Variants in RALYL observed in about 807,000 individuals in gnomAD.
RALYL encodes the protein RALY RNA binding protein like.
In RALYL, 29 loss-of-function variants were observed where a neutral mutation model predicts 35.1. The ratio of observed to expected loss-of-function variants is 0.83; its 90% CI spans 0.61 to 1.13. The LOEUF (loss-of-function observed/expected upper bound fraction) is 1.13. Ranked by LOEUF, RALYL falls within the 50% of genes most tolerant of loss-of-function variation. The probability of loss-of-function intolerance (pLI) is 0.00; values close to 1 mark genes in which losing one functional copy is unlikely to be tolerated. For missense variants in RALYL, 359 were observed against 360.4 expected, an observed-to-expected ratio of 1.00 and a Z score of 0.03; for synonymous variants, 120 against 127.6, an observed-to-expected ratio of 0.94 and a Z score of 0.40.
At chr8:84,686,807 C>T (rs192160253) in intron 2 of RALYL, among the ~76,000 whole-genome samples, 1 of 152,134 alleles carries the variant, frequency 6.6e-6, no homozygotes, top group Non-Finnish European at 1.5e-5. Context: ...ATTTCTTATT[C>T]CCCCCAATGA....
chr8:84,850,270 AT>A lies in RALYL; in HGVS notation c.413+246del, dbSNP rs543132400. Among the ~76,000 whole-genome samples the A allele has an allele frequency of 2.0e-4, 31 of 152,328 alleles. 2 individuals are homozygous for A. The South Asian group carries it at 6.4e-3, about 32-fold the overall frequency. On this transcript the variant is annotated intron_variant, in intron 5 of 8. Coordinates refer to ENST00000521268, the MANE Select transcript of RALYL (RefSeq NM_173848.7). ...TCAAACCTAAGATTTGGTGTCTAATATTTAGATAAAATCCTAAAGATTTAAT... is the reference window on the plus strand; with the variant it reads ...TCAAACCTAAGATTTGGTGTCTAATATTAGATAAAATCCTAAAGATTTAAT...
At chr8:84,679,393 A>G (rs1259142791) in intron 2 of RALYL, 1 of 265,784 alleles carries the variant, frequency 3.8e-6, no homozygotes, top group Non-Finnish European at 7.5e-6. Flanking sequence ...AGATTTGTTA[A>G]CCTTGGCATG....
intron 2 of RALYL, among the ~76,000 whole-genome samples, chr8:84,757,795 A>G (rs1044834818): frequency 2.0e-5 from 3 of 152,074 alleles, no homozygotes; most frequent in African/African-American, 7.2e-5. Flanking sequence ...GTGAATGGTT[A>G]TTTTCTTTCT....
chr8:84,879,687 C>A (rs918117040), intron 7 of RALYL, among the ~76,000 whole-genome samples: 4 of 152,024 alleles, frequency 2.6e-5, no homozygotes, highest in African/African-American at 7.2e-5. Context: ...AGGAACAAAA[C>A]GCTGCTGTTT....
chr8:84,442,373 A>G (rs2048419801), intron 1 of RALYL, among the ~76,000 whole-genome samples: 2 of 152,158 alleles, frequency 1.3e-5, no homozygotes, highest in Non-Finnish European at 2.9e-5. Context: ...TAAATGCCGT[A>G]CATAGAGTCT....
chr8:84,713,923 TATATC>T (rs1416109561), intron 2 of RALYL, among the ~76,000 whole-genome samples: 3 of 151,372 alleles, frequency 2.0e-5, no homozygotes, highest in South Asian at 2.1e-4. Context: ...ACATGTTTCA[TATATC>T]ATATATATCA....
chr8:84,627,190 C>G (rs1822916814), intron 2 of RALYL, among the ~76,000 whole-genome samples: 1 of 151,896 alleles, frequency 6.6e-6, no homozygotes, highest in African/African-American at 2.4e-5. Context: ...CTTCTGAAGT[C>G]TTCAACTTAG....
intron 2 of RALYL, among the ~76,000 whole-genome samples, chr8:84,593,036 A>G (rs190823892): frequency 2.0e-5 from 3 of 152,262 alleles, no homozygotes; most frequent in African/African-American, 7.2e-5. Flanking sequence ...TCTGTATTAC[A>G]TTACAACATA....
intron 2 of RALYL, among the ~76,000 whole-genome samples, chr8:84,760,269 G>T (rs1812378594): frequency 1.3e-5 from 2 of 151,978 alleles, no homozygotes; most frequent in Non-Finnish European, 2.9e-5. Context: ...AAATTTGGGT[G>T]GAACAGAGCA....
chr8:84,334,362 ATAAT>A (rs1275849875), intron 1 of RALYL, among the ~76,000 whole-genome samples: 1 of 152,022 alleles, frequency 6.6e-6, no homozygotes, highest in Non-Finnish European at 1.5e-5. Context: ...ATTATGTATA[ATAAT>A]TTTATGTAAG....
At chr8:84,677,298 T>C (rs1238699575) in intron 2 of RALYL, among the ~76,000 whole-genome samples, 1 of 152,224 alleles carries the variant, frequency 6.6e-6, no homozygotes, top group African/African-American at 2.4e-5. Context: ...AAAATTATTA[T>C]GTTTGTAAAA....
At chr8:84,766,648 C>T (rs1213253612) in intron 2 of RALYL, among the ~76,000 whole-genome samples, 5 of 142,430 alleles carry the variant, frequency 3.5e-5, no homozygotes, top group East Asian at 2.0e-4. Flanking sequence ...AGCTTGAACC[C>T]GAGAGGCAGA....
chr8:84,632,319 C>T (rs1467114680), intron 2 of RALYL, among the ~76,000 whole-genome samples: 1 of 151,874 alleles, frequency 6.6e-6, no homozygotes, highest in South Asian at 2.1e-4. Context: ...CCCAAATGAA[C>T]TAAGACACAT....
intron 2 of RALYL, among the ~76,000 whole-genome samples, chr8:84,558,731 A>G (rs2061295611): frequency 2.0e-5 from 3 of 152,138 alleles, no homozygotes; most frequent in African/African-American, 7.2e-5. Context: ...TCCTACAGAG[A>G]TAATTAGGCA....
intron 1 of RALYL, among the ~76,000 whole-genome samples, chr8:84,240,424 T>G (rs1563591587): frequency 6.6e-6 from 1 of 152,216 alleles, no homozygotes; most frequent in East Asian, 1.9e-4. Flanking sequence ...TCAGTTCTAA[T>G]CAGCAGATAT....
intron 1 of RALYL, among the ~76,000 whole-genome samples, chr8:84,296,232 C>T (rs1163950131): frequency 6.6e-6 from 1 of 152,018 alleles, no homozygotes; most frequent in Non-Finnish European, 1.5e-5. Flanking sequence ...GGGTGTATAA[C>T]CACTAAAGCC....
At chr8:84,262,239 G>C (rs940757746) in intron 1 of RALYL, among the ~76,000 whole-genome samples, 1 of 152,048 alleles carries the variant, frequency 6.6e-6, no homozygotes, top group Non-Finnish European at 1.5e-5. Flanking sequence ...GTTATTTCAC[G>C]AGTGGAAAAA....
At chr8:84,192,905 G>GTT (rs1814301777) in intron 1 of RALYL, among the ~76,000 whole-genome samples, 2 of 117,066 alleles carry the variant, frequency 1.7e-5, no homozygotes, top group South Asian at 5.5e-4. Context: ...GTGTGTGTGT[G>GTT]TGGGGGGGGG....
At chr8:84,262,818 C>T (rs1832567251) in intron 1 of RALYL, among the ~76,000 whole-genome samples, 1 of 152,056 alleles carries the variant, frequency 6.6e-6, no homozygotes, top group Non-Finnish European at 1.5e-5. Context: ...CATAGGTGTG[C>T]AGTAAAGAGT....
Sources: gnomAD v4.1 joint callset for allele counts (sites outside exome capture counted in the v4.1 genomes callset) on GRCh38, gnomAD v4.1.1 for gene constraint, MANE v1.5 for transcripts, NCBI Gene and HGNC (gene_info 2026-07-23, HGNC 2026-07-21) for gene names.